Variants in AXDND1 observed in about 807,000 individuals in gnomAD.
The protein encoded by AXDND1 is axonemal dynein light chain domain-containing protein 1.
In AXDND1, 110 loss-of-function variants were observed where a neutral mutation model predicts 137.5. The observed-to-expected ratio is 0.80, with a 90% CI of 0.69 to 0.94. The LOEUF (loss-of-function observed/expected upper bound fraction) is 0.94. Among genes scored for constraint, AXDND1 ranks in the 40% least tolerant of loss-of-function variants. The pLI is 0.00. For missense variants in AXDND1, 1,191 were observed against 1,169.8 expected (o/e 1.02, Z -0.26); for synonymous variants, 414 against 399.7 (o/e 1.04, Z -0.43).
At chr1:179,393,040 T>G (rs558737669) in intron 9 of AXDND1, among the ~76,000 whole-genome samples, 1 of 152,340 alleles carries the variant, frequency 6.6e-6, no homozygotes, top group South Asian at 2.1e-4. Flanking sequence ...TCATGAATTC[T>G]TTGCCTAAGC....
intron 12 of AXDND1, among the ~76,000 whole-genome samples, chr1:179,413,367 A>G (rs1654187942): frequency 6.6e-6 from 1 of 152,202 alleles, no homozygotes; most frequent in Admixed American, 6.5e-5. Flanking sequence ...ATTGTATCCA[A>G]TAGGTGAATT....
At chr1:179,430,423 T>C (rs750459955) in intron 13 of AXDND1, 29 bp from the exon 14 acceptor site, 7 of 1,539,546 alleles carry the variant, frequency 4.5e-6, no homozygotes, top group Admixed American at 2.0e-5. Context: ...TAAATGAATA[T>C]ATTATTTGAT....
chr1:179,531,559 T>G (rs540550160), intron 23 of AXDND1, among the ~76,000 whole-genome samples: 11 of 152,210 alleles, frequency 7.2e-5, no homozygotes, highest in African/African-American at 2.6e-4. Context: ...AATCACCAGG[T>G]GCTCAAACAG....
At chr1:179,497,335 T>C (rs1667541173) in intron 20 of AXDND1, among the ~76,000 whole-genome samples, 1 of 152,162 alleles carries the variant, frequency 6.6e-6, no homozygotes, top group Non-Finnish European at 1.5e-5. Flanking sequence ...GCTTCATGTA[T>C]TTTGAAGCTA....
chr1:179,489,832 G>C (rs904359655), intron 18 of AXDND1, among the ~76,000 whole-genome samples: 1 of 142,456 alleles, frequency 7.0e-6, no homozygotes, highest in Non-Finnish European at 1.5e-5. Flanking sequence ...TGCAAGCTCC[G>C]CCTCCCGGGT....
intron 18 of AXDND1, among the ~76,000 whole-genome samples, 168 bp downstream of exon 18, chr1:179,483,389 A>G (rs1019871923): frequency 6.6e-6 from 1 of 152,238 alleles, no homozygotes; most frequent in African/African-American, 2.4e-5. Context: ...TTAAAGCAGA[A>G]TGTTTCTGCC....
chr1:179,418,706 C>T (rs12739607), intron 12 of AXDND1, among the ~76,000 whole-genome samples: 43,026 of 147,630 alleles, frequency 0.29, 6,591 homozygotes, highest in Non-Finnish European at 0.31. Context: ...GGCGGCTGGC[C>T]GGGCGGGGGG....
chr1:179,498,830 T>G (rs1572089038), intron 20 of AXDND1, among the ~76,000 whole-genome samples: 1 of 152,090 alleles, frequency 6.6e-6, no homozygotes, highest in African/African-American at 2.4e-5. Flanking sequence ...GAAAAAATTC[T>G]CAGCATCACT....
chr1:179,456,388 A>T (rs1661411694), intron 16 of AXDND1: 2 of 784,128 alleles, frequency 2.6e-6, no homozygotes, highest in Non-Finnish European at 4.6e-6. Context: ...TGATTGTTGT[A>T]ATTGCCAAAA....
chr1:179,549,659 C>G (rs1283013783), intron 25 of AXDND1, among the ~76,000 whole-genome samples: 1 of 152,006 alleles, frequency 6.6e-6, no homozygotes, highest in African/African-American at 2.4e-5. Flanking sequence ...ATTACACATG[C>G]CAAAATTTGC....
intron 9 of AXDND1, among the ~76,000 whole-genome samples, chr1:179,388,458 C>A (rs968912141): frequency 2.0e-5 from 3 of 152,148 alleles, no homozygotes; most frequent in Non-Finnish European, 4.4e-5. Context: ...CTCTTAATCT[C>A]TTTTTCATAG....
intron 11 of AXDND1, among the ~76,000 whole-genome samples, chr1:179,408,615 A>G (rs757953557): frequency 2.0e-4 from 31 of 152,102 alleles, no homozygotes; most frequent in Non-Finnish European, 4.0e-4. Context: ...CCTGACCTTA[A>G]GTGATCCCAC....
intron 11 of AXDND1, among the ~76,000 whole-genome samples, chr1:179,399,942 A>G (rs12752452): frequency 0.29 from 44,300 of 152,114 alleles, 6,650 homozygotes; most frequent in Non-Finnish European, 0.31. Context: ...CCATGGATGC[A>G]GTGATTAGGG....
chr1:179,379,768 C>A (rs112249922), intron 6 of AXDND1, among the ~76,000 whole-genome samples: 2,525 of 138,226 alleles, frequency 0.018, 57 homozygotes, highest in African/African-American at 0.064. Context: ...TACACTCCAG[C>A]CTGGGCAACA....
chr1:179,445,184 T>C lies in AXDND1; in HGVS notation c.1778T>C (p.Ile593Thr). 2 of 1,587,856 alleles carry C rather than the reference T, an allele frequency of 1.3e-6. No individual in the cohort carries two copies. The highest frequency in any genetic ancestry group is 1.7e-6 in the Non-Finnish European group (2 of 1,162,936). ...NIQKLYKEYE[I>T]RINGDNGYSK... ...CAAAAACTCTACAAAGAATATGAAATAAGAATAAATGGGGACAATGGTAAG... is the reference window on the plus strand; with the variant it reads ...CAAAAACTCTACAAAGAATATGAAACAAGAATAAATGGGGACAATGGTAAG... Residue 593 changes from isoleucine to threonine, a missense_variant, in exon 16 of 26, where the codon ATA becomes ACA. Ile to Thr is a moderately conservative substitution (Grantham distance 89). Coordinates refer to ENST00000367618, the MANE Select transcript of AXDND1 (RefSeq NM_144696.6).
chr1:179,448,647 G>C, intron 16 of AXDND1: 1 of 201,932 alleles, frequency 5.0e-6, no homozygotes, highest in South Asian at 8.2e-5. Context: ...GCACTGCCTG[G>C]AGCCGCCTCC....
At chr1:179,524,430 C>CCA (rs1670355000) in intron 21 of AXDND1, among the ~76,000 whole-genome samples, 1 of 152,140 alleles carries the variant, frequency 6.6e-6, no homozygotes, top group Non-Finnish European at 1.5e-5. Context: ...CCATCTTAAA[C>CCA]TCCAGATCCA....
At position 179,420,233 on chromosome 1, in the gene AXDND1, A is replaced by G. The variant is rs543870400; in HGVS notation, c.1230+8967A>G. Among the ~76,000 whole-genome samples, 19 of 152,284 alleles carry G rather than the reference A, an allele frequency of 1.2e-4. No individual in the cohort carries two copies. In the East Asian group the frequency reaches 3.3e-3, roughly 26 times the overall value. ...TCTTGTTCTTGGTTCTGTTAATGTG[A>G]TGTATCACATTTATTGATGTGCACA... On this transcript the variant is annotated intron_variant, in intron 12 of 25. Transcript: ENST00000367618.
In AXDND1 at chr1:179,429,559, C is replaced by T. The variant is rs752421755; in HGVS notation, c.1272C>T (p.Tyr424=). The T allele has an allele frequency of 1.3e-6, 2 of 1,576,120 alleles. No individual in the cohort carries two copies. The highest frequency in any genetic ancestry group is 1.4e-5 in the African/African-American group (1 of 72,716). The change falls in exon 13 of 26, where the codon TAC becomes TAT. Residue 424 remains tyrosine (Y), a synonymous_variant. Coordinates refer to ENST00000367618, the MANE Select transcript of AXDND1 (RefSeq NM_144696.6). ...GAGTCATATTGGCTAGAAGACTTTACCTTAATGAAAAAGGCTGGAATAAAT... is the reference window on the plus strand; with the variant it reads ...GAGTCATATTGGCTAGAAGACTTTATCTTAATGAAAAAGGCTGGAATAAAT... The part of the protein sequence containing the change: ...RNRVILARRL[Y]LNEKGWNKYT...
Sources: gnomAD v4.1 joint callset for allele counts (sites outside exome capture counted in the v4.1 genomes callset) on GRCh38, gnomAD v4.1.1 for gene constraint, MANE v1.5 for transcripts, NCBI Gene and HGNC (gene_info 2026-07-23, HGNC 2026-07-21) for gene names.